AIDA: variants seen among roughly 807,000 people sequenced by gnomAD.
AIDA encodes the protein axin interactor, dorsalization-associated protein.
A neutral mutation model predicts 42.7 loss-of-function variants in AIDA; 18 were observed. The observed-to-expected ratio is 0.42, with a 90% confidence interval of 0.29 to 0.63. AIDA has a LOEUF of 0.63. Among genes scored for constraint, AIDA ranks in the 20% least tolerant of loss-of-function variants. The pLI is 0.19. For missense variants in AIDA, 250 were observed against 354.1 expected, an observed-to-expected ratio of 0.71 and a Z score of 2.36; for synonymous variants, 104 against 122.9, an observed-to-expected ratio of 0.85 and a Z score of 1.02.
At chr1:222,690,133 G>A (rs1274780974) in intron 4 of AIDA, among the ~76,000 whole-genome samples, 1 of 152,098 alleles carries the variant, frequency 6.6e-6, no homozygotes, top group African/African-American at 2.4e-5. Context: ...ACTCTATGAT[G>A]CTCACACAAC....
intron 1 of AIDA, among the ~76,000 whole-genome samples, chr1:222,707,102 T>C (rs1034562858): frequency 1.3e-5 from 2 of 152,046 alleles, no homozygotes; most frequent in Non-Finnish European, 2.9e-5. Flanking sequence ...ATTGTACATG[T>C]AAAATAGATG....
At chr1:222,671,811 A>G (rs1652414089) in intron 8 of AIDA, among the ~76,000 whole-genome samples, 1 of 152,220 alleles carries the variant, frequency 6.6e-6, no homozygotes, top group African/African-American at 2.4e-5. Flanking sequence ...TTAGAAAACC[A>G]AAGATTTTAA....
chr1:222,711,408 G>A (rs1203179236), intron 1 of AIDA: 1 of 152,292 alleles, frequency 6.6e-6, no homozygotes, highest in East Asian at 1.9e-4. Flanking sequence ...ATTATATACA[G>A]GAAAAGGAGG....
At chr1:222,672,596 C>G (rs1664468733) in intron 8 of AIDA, among the ~76,000 whole-genome samples, 1 of 152,152 alleles carries the variant, frequency 6.6e-6, no homozygotes, top group African/African-American at 2.4e-5. Flanking sequence ...AACCACTGTT[C>G]TAACAGAAGC....
chr1:222,696,513 G>A (rs184511212), intron 2 of AIDA, among the ~76,000 whole-genome samples: 4 of 152,306 alleles, frequency 2.6e-5, no homozygotes, highest in Admixed American at 6.5e-5. Context: ...GAGAGGTTAA[G>A]TAACTTGCCC....
chr1:222,669,341 AGATCAG>A lies in AIDA; in HGVS notation c.*546_*551del, dbSNP rs1664403213. 1 of 143,904 alleles carries A rather than the reference AGATCAG, an allele frequency of 6.9e-6. No individual in the cohort carries two copies. Among genetic ancestry groups the A allele is most frequent in the South Asian group, 2.4e-4 (1 of 4,226 alleles). The allele number at this position is 143,904 out of a possible 1,614,324, so 8.9% of individuals were successfully genotyped here. A position where few individuals can be genotyped will look rare whatever the true frequency, so the allele number is the denominator to read the frequency against. ...ACACTTTCTAAGCAGGAAAACTATC[AGATCAG>A]GGTGAATTTAGGCCACTTCAGAGGT... On this transcript the variant is annotated 3_prime_UTR_variant, in exon 10 of 10. Coordinates refer to ENST00000340020, the MANE Select transcript of AIDA (RefSeq NM_022831.4).
chr1:222,685,822 A>G (rs889739908), intron 6 of AIDA, among the ~76,000 whole-genome samples: 2 of 152,078 alleles, frequency 1.3e-5, no homozygotes, highest in African/African-American at 4.8e-5. Context: ...TTCAATATCC[A>G]CTCCCATGGG....
chr1:222,708,834 C>G (rs1003352717), intron 1 of AIDA, among the ~76,000 whole-genome samples: 1 of 152,204 alleles, frequency 6.6e-6, no homozygotes, highest in South Asian at 2.1e-4. Context: ...TCATCTAATA[C>G]TTCGGATGCC....
At position 222,701,665 on chromosome 1, in the gene AIDA, T is replaced by C. The variant is rs566616306; in HGVS notation, c.180+1483A>G. 3.3e-5 allele frequency among the ~76,000 whole-genome samples: 5 copies of C among 152,296 alleles called. No homozygotes were observed. In the South Asian group the frequency reaches 1.0e-3, roughly 32 times the overall value. On this transcript the variant is annotated intron_variant, in intron 2 of 9. Coordinates refer to ENST00000340020, the MANE Select transcript of AIDA (RefSeq NM_022831.4). ...TCCAGGGCTAAAATCCTAAGACTCC[T>C]AATATCTATTGTGTATATTAGGAGC...
rs1436898622 is a variant in AIDA, at chr1:222,669,947, T to C, written c.867A>G (p.Leu289=). Residue 289 remains leucine (L), a synonymous_variant, in exon 10 of 10, where the codon TTA becomes TTG. Coordinates refer to ENST00000340020, the MANE Select transcript of AIDA (RefSeq NM_022831.4). ...PTDFKRKKLQ[L]LTKKPLYLHL... is the part of the protein sequence containing the mutation. ...GAAGATAAAGTGGTTTCTTGGTCAA[T>C]AATTGCAATTTCTTTCTTTTAAAGT... 4 of 1,613,596 alleles carry C rather than the reference T, an allele frequency of 2.5e-6. No individual in the cohort carries two copies. Among genetic ancestry groups the C allele is most frequent in the African/African-American group, 1.3e-5 (1 of 74,932 alleles).
chr1:222,700,010 G>A (rs1010296345), intron 2 of AIDA, among the ~76,000 whole-genome samples: 8 of 151,994 alleles, frequency 5.3e-5, no homozygotes, highest in African/African-American at 1.2e-4. Context: ...TGCCCACCTC[G>A]GCCTCCCAAA....
intron 2 of AIDA, among the ~76,000 whole-genome samples, chr1:222,698,435 C>G (rs1031385531): frequency 2.7e-5 from 4 of 149,178 alleles, no homozygotes; most frequent in Non-Finnish European, 5.9e-5. Flanking sequence ...AACAGAATAG[C>G]ATTTATTCAT....
chr1:222,702,027 A>G (rs945083276), intron 2 of AIDA, among the ~76,000 whole-genome samples: 8 of 152,134 alleles, frequency 5.3e-5, no homozygotes, highest in African/African-American at 9.7e-5. Flanking sequence ...CCCAGCCAAA[A>G]AAAAAAAAAA....
intron 6 of AIDA, among the ~76,000 whole-genome samples, chr1:222,683,893 C>G (rs953442353): frequency 6.6e-6 from 1 of 152,016 alleles, no homozygotes; most frequent in African/African-American, 2.4e-5. Context: ...AGATTAATAT[C>G]AAGAAAGGTA....
At chr1:222,703,733 A>C (rs1215358039) in intron 1 of AIDA, among the ~76,000 whole-genome samples, 2 of 152,232 alleles carry the variant, frequency 1.3e-5, no homozygotes, top group African/African-American at 4.8e-5. Flanking sequence ...TGGAAAATAA[A>C]GCAAATTCTC....
At chr1:222,684,080 A>C (rs1239835750) in intron 6 of AIDA, among the ~76,000 whole-genome samples, 1 of 152,122 alleles carries the variant, frequency 6.6e-6, no homozygotes, top group Non-Finnish European at 1.5e-5. Context: ...AGTTGGTCAA[A>C]ACTCATTAAA....
intron 6 of AIDA, among the ~76,000 whole-genome samples, chr1:222,684,009 ACATACCATACAT>A (rs1298468774): frequency 6.6e-6 from 1 of 152,216 alleles, no homozygotes; most frequent in Non-Finnish European, 1.5e-5. Context: ...TTCCGTATCT[ACATACCATACAT>A]CATACCCTCA....
chr1:222,697,748 A>C (rs1655562631), intron 2 of AIDA, among the ~76,000 whole-genome samples: 1 of 152,174 alleles, frequency 6.6e-6, no homozygotes, highest in Non-Finnish European at 1.5e-5. Flanking sequence ...AGGTTTAAAA[A>C]ATACATATAA....
intron 7 of AIDA, among the ~76,000 whole-genome samples, chr1:222,675,286 T>C (rs1485584161): frequency 1.3e-5 from 2 of 152,226 alleles, no homozygotes; most frequent in South Asian, 2.1e-4. Context: ...GTATGACAAC[T>C]TCATTCTCAA....
Sources: allele counts gnomAD v4.1 joint callset (sites outside exome capture counted in the v4.1 genomes callset), GRCh38; gene constraint gnomAD v4.1.1; transcripts MANE v1.5; gene names NCBI Gene and HGNC (gene_info 2026-07-23, HGNC 2026-07-21).